Variants in HNRNPF observed in about 807,000 individuals in gnomAD.
The protein encoded by HNRNPF is HnRNP F protein.
A neutral mutation model predicts 26.0 loss-of-function variants in HNRNPF; 2 were observed. The observed-to-expected ratio is 0.08, with a 90% confidence interval of 0.03 to 0.24. The LOEUF (loss-of-function observed/expected upper bound fraction) is 0.24. HNRNPF is among the 10% of genes least tolerant of loss of function. HNRNPF has a pLI of 1.00. For synonymous variants in HNRNPF, 234 were observed against 211.5 expected, an observed-to-expected ratio of 1.11 and a Z score of -0.92; for missense variants, 299 against 539.2, an observed-to-expected ratio of 0.55 and a Z score of 4.41.
chr10:43,396,381 C>CA (rs1486952015), intron 2 of HNRNPF, 75 bp downstream of exon 2: 6 of 152,108 alleles, frequency 3.9e-5, no homozygotes, highest in Non-Finnish European at 8.8e-5. Flanking sequence ...GCGCCGCCCC[C>CA]ATTACTCACT....
intron 3 of HNRNPF, among the ~76,000 whole-genome samples, chr10:43,392,299 G>C (rs903951170): frequency 6.6e-6 from 1 of 152,194 alleles, no homozygotes; most frequent in Non-Finnish European, 1.5e-5. Flanking sequence ...CCAGCACTTT[G>C]GGAGGCTGAG....
chr10:43,404,301 T>TAA (rs5784599), intron 1 of HNRNPF, among the ~76,000 whole-genome samples: 24,502 of 134,942 alleles, frequency 0.18, 2,343 homozygotes, highest in Non-Finnish European at 0.2. Context: ...AATCCGTCTA[T>TAA]AAAAAAAAAA....
At chr10:43,398,937 G>C (rs1838661632) in intron 1 of HNRNPF, among the ~76,000 whole-genome samples, 1 of 152,276 alleles carries the variant, frequency 6.6e-6, no homozygotes, top group East Asian at 1.9e-4. Flanking sequence ...GAAACTACAA[G>C]GACAAATGAG....
chr10:43,405,095 C>T (rs572269678), intron 1 of HNRNPF, among the ~76,000 whole-genome samples: 1 of 152,224 alleles, frequency 6.6e-6, no homozygotes, highest in South Asian at 2.1e-4. Flanking sequence ...TTGACAAGTT[C>T]ACAGGATTTT....
In HNRNPF at chr10:43,387,540, A is replaced by G; in HGVS notation, c.345T>C (p.Leu115=). The change falls in exon 4 of 4, where the codon CTT becomes CTC. Residue 115 remains leucine (L), a synonymous_variant. Transcript: ENST00000682386. This position sits in a 1 kb window ranked among gnomAD's most constrained non-coding sequence, Gnocchi z 6.0. ...ADSANDGFVR[L]RGLPFGCTKE... ...TTGTGCATCCAAATGGGAGTCCTCG[A>G]AGCCGCACGAAGCCATCGTTGGCGC... 1 of 1,614,208 alleles carries G rather than the reference A, an allele frequency of 6.2e-7. No homozygotes were observed. The highest frequency in any genetic ancestry group is 8.5e-7 in the Non-Finnish European group (1 of 1,180,032).
intron 3 of HNRNPF, among the ~76,000 whole-genome samples, chr10:43,391,296 A>G (rs1838235838): frequency 6.6e-6 from 1 of 151,598 alleles, no homozygotes; most frequent in South Asian, 2.1e-4. Flanking sequence ...CTGTCTCAAA[A>G]AAAAAAAAAA....
intron 1 of HNRNPF, among the ~76,000 whole-genome samples, chr10:43,397,965 A>G (rs1451979219): frequency 6.6e-6 from 1 of 152,198 alleles, no homozygotes; most frequent in Non-Finnish European, 1.5e-5. Flanking sequence ...AAAGCTCCTG[A>G]TGTATACATA....
intron 1 of HNRNPF, among the ~76,000 whole-genome samples, chr10:43,399,579 T>C (rs1316813956): frequency 6.6e-6 from 1 of 152,180 alleles, no homozygotes; most frequent in Non-Finnish European, 1.5e-5. Flanking sequence ...TGGAATGTGG[T>C]GTGAAAGGAG....
At chr10:43,408,678 G>A (rs897588129) in intron 1 of HNRNPF, 37 of 151,592 alleles carry the variant, frequency 2.4e-4, no homozygotes, top group African/African-American at 8.7e-4. Context: ...GTCCCCGCTA[G>A]GTCCCGGGTG....
Position 43,387,670 on chromosome 10 carries a change from T to C in HNRNPF, c.215A>G (p.Lys72Arg), listed in dbSNP as rs746297807. The C allele has an allele frequency of 6.2e-7, 1 of 1,614,044 alleles. No individual in the cohort carries two copies. The highest frequency in any genetic ancestry group is 1.3e-5 in the African/African-American group (1 of 74,924). The change falls in exon 4 of 4, where the codon AAA becomes AGA. Residue 72 changes from lysine to arginine, a missense_variant. Lys to Arg is a conservative substitution (Grantham distance 26, BLOSUM62 2). Around this residue, in one of 6 missense-constraint regions of HNRNPF, gnomAD observed 104 missense variants for 239.0 expected, o/e 0.44. Coordinates refer to ENST00000682386, the MANE Select transcript of HNRNPF (RefSeq NM_001098204.2). The surrounding 1 kb of genome is among the most constrained non-coding windows in gnomAD (Gnocchi z 6.0). ...GTGTCCCATGCTTTCCCTGTCTTTT[T>C]TCAGGGCCATTTTTACATCATCTTC... ...GSEDDVKMAL[K>R]KDRESMGHRY...
At chr10:43,401,218 A>G (rs1189418020) in intron 1 of HNRNPF, among the ~76,000 whole-genome samples, 1 of 152,254 alleles carries the variant, frequency 6.6e-6, no homozygotes, top group East Asian at 1.9e-4. Context: ...GTTTTCCATT[A>G]CCATCTATCA....
chr10:43,390,112 G>C (rs1838184680), intron 3 of HNRNPF, among the ~76,000 whole-genome samples: 1 of 152,196 alleles, frequency 6.6e-6, no homozygotes, highest in South Asian at 2.1e-4. Flanking sequence ...GGCAGAGCAA[G>C]GTCACAGCAG....
At chr10:43,391,335 G>A (rs1434903021) in intron 3 of HNRNPF, among the ~76,000 whole-genome samples, 1 of 151,682 alleles carries the variant, frequency 6.6e-6, no homozygotes. Context: ...GTGGGCGCCT[G>A]TAGTCCCAGC....
intron 2 of HNRNPF, among the ~76,000 whole-genome samples, chr10:43,395,824 C>T (rs1001298833): frequency 2.0e-5 from 3 of 152,208 alleles, no homozygotes; most frequent in Non-Finnish European, 2.9e-5. Context: ...AAGCTGGCAA[C>T]CAGACCCACG....
intron 1 of HNRNPF, among the ~76,000 whole-genome samples, chr10:43,407,392 G>A (rs1838957925): frequency 6.6e-6 from 1 of 152,108 alleles, no homozygotes; most frequent in East Asian, 1.9e-4. Flanking sequence ...GCCGAGCTCG[G>A]CTCTCCTTCC....
chr10:43,407,734 C>A (rs1199264907), intron 1 of HNRNPF: 4 of 152,170 alleles, frequency 2.6e-5, no homozygotes, highest in Admixed American at 1.3e-4. Flanking sequence ...AGCAGGAGAC[C>A]AATACAGGGA....
chr10:43,397,946 A>G (rs1443739392), intron 1 of HNRNPF, among the ~76,000 whole-genome samples: 4 of 152,210 alleles, frequency 2.6e-5, no homozygotes, highest in African/African-American at 4.8e-5. Context: ...TGAACTAGTA[A>G]TTTTTATTAA....
At chr10:43,393,662 G>A (rs752561109) in intron 3 of HNRNPF, among the ~76,000 whole-genome samples, 7 of 151,624 alleles carry the variant, frequency 4.6e-5, no homozygotes, top group Non-Finnish European at 5.9e-5. Flanking sequence ...TACGGCTCAC[G>A]TGTACTTTTA....
At chr10:43,407,123 A>C (rs1054319776) in intron 1 of HNRNPF, among the ~76,000 whole-genome samples, 1 of 151,990 alleles carries the variant, frequency 6.6e-6, no homozygotes, top group African/African-American at 2.4e-5. Flanking sequence ...AATTAAGATG[A>C]CTTTTGGGAC....
Sources: gnomAD v4.1 joint callset for allele counts (sites outside exome capture counted in the v4.1 genomes callset) on GRCh38, gnomAD v4.1.1 for gene constraint, gnomAD v4.1.1 regional missense constraint, Gnocchi (gnomAD v3.1) non-coding constraint, MANE v1.5 for transcripts, NCBI Gene and HGNC (gene_info 2026-07-23, HGNC 2026-07-21) for gene names.